ZFHX3: variants seen among roughly 807,000 people sequenced by gnomAD.
ZFHX3 encodes zinc finger homeobox protein 3.
In ZFHX3, 42 loss-of-function variants were observed where a neutral mutation model predicts 279.1. That is an observed-to-expected ratio of 0.15 (90% CI 0.12 to 0.19). ZFHX3 has a LOEUF of 0.19. Among genes scored for constraint, ZFHX3 ranks in the 10% least tolerant of loss-of-function variants. The pLI, the probability that ZFHX3 is intolerant of heterozygous loss-of-function variation, is 1.00. For missense variants in ZFHX3, 4,981 were observed against 4,754.0 expected, an observed-to-expected ratio of 1.05 and a Z score of -1.40; for synonymous variants, 2,293 against 1,957.8, an observed-to-expected ratio of 1.17 and a Z score of -4.52.
At chr16:73,635,941 G>A (rs187966178) in intron 2 of ZFHX3, among the ~76,000 whole-genome samples, 1 of 152,288 alleles carries the variant, frequency 6.6e-6, no homozygotes, top group Admixed American at 6.5e-5. Context: ...AGGCCTTAGT[G>A]TGTATGGCAC....
chr16:73,514,663 G>A (rs2019489685), intron 2 of ZFHX3, among the ~76,000 whole-genome samples: 1 of 152,178 alleles, frequency 6.6e-6, no homozygotes, highest in Non-Finnish European at 1.5e-5. Flanking sequence ...GTGACGAGCT[G>A]AAGCTCAAAG....
intron 3 of ZFHX3, among the ~76,000 whole-genome samples, chr16:73,344,007 T>C (rs1191681939): frequency 6.6e-6 from 1 of 152,304 alleles, no homozygotes; most frequent in Non-Finnish European, 1.5e-5. Context: ...AAATAAGAAG[T>C]GCCCATGGAT....
chr16:72,943,054 A>T (rs1960488649), intron 3 of ZFHX3, among the ~76,000 whole-genome samples: 1 of 152,202 alleles, frequency 6.6e-6, no homozygotes, highest in Non-Finnish European at 1.5e-5. Flanking sequence ...AAATCTGTGG[A>T]TCATTCACAA....
At chr16:73,434,597 A>T (rs1293829321) in intron 3 of ZFHX3, among the ~76,000 whole-genome samples, 1 of 112,020 alleles carries the variant, frequency 8.9e-6, no homozygotes, top group Non-Finnish European at 1.8e-5. Context: ...GTGTTGACTC[A>T]TCTATGGATG....
chr16:73,186,778 G>A (rs1440720091), intron 5 of ZFHX3, among the ~76,000 whole-genome samples: 1 of 152,064 alleles, frequency 6.6e-6, no homozygotes, highest in Admixed American at 6.5e-5. Flanking sequence ...TTATATTATT[G>A]TCAAGCCTTT....
chr16:73,230,271 A>G (rs1057306330), intron 5 of ZFHX3, among the ~76,000 whole-genome samples: 1 of 152,236 alleles, frequency 6.6e-6, no homozygotes, highest in African/African-American at 2.4e-5. Flanking sequence ...GTATGACAAT[A>G]TTATGATTGT....
At chr16:73,090,908 A>G (rs1169710416) in intron 8 of ZFHX3, among the ~76,000 whole-genome samples, 2 of 67,432 alleles carry the variant, frequency 3.0e-5, no homozygotes, top group Admixed American at 4.7e-4. Context: ...AAGATCCCAT[A>G]TTGAAAAAAA....
chr16:73,223,635 A>T (rs952887265), intron 5 of ZFHX3, among the ~76,000 whole-genome samples: 9 of 152,210 alleles, frequency 5.9e-5, no homozygotes, highest in Non-Finnish European at 1.2e-4. Flanking sequence ...TCTTTGGAAG[A>T]CAGTTTAACC....
intron 2 of ZFHX3, among the ~76,000 whole-genome samples, chr16:73,635,497 T>C (rs1342823874): frequency 6.6e-6 from 1 of 152,200 alleles, no homozygotes; most frequent in Non-Finnish European, 1.5e-5. Flanking sequence ...GGAGCTGATG[T>C]CCTAGGCTTG....
chr16:72,920,657 T>A (rs1255688291), intron 3 of ZFHX3, among the ~76,000 whole-genome samples: 2 of 148,098 alleles, frequency 1.4e-5, no homozygotes, highest in African/African-American at 2.5e-5. Context: ...GTGACAAAAG[T>A]GAAAGTTCGT....
At chr16:72,810,454 G>T (rs914729642) in intron 7 of ZFHX3, among the ~76,000 whole-genome samples, 2 of 152,208 alleles carry the variant, frequency 1.3e-5, no homozygotes, top group Non-Finnish European at 2.9e-5. Flanking sequence ...CCAAAGTGTT[G>T]GGATTACAAG....
intron 4 of ZFHX3, among the ~76,000 whole-genome samples, chr16:73,308,262 TATATA>T (rs1567446251): frequency 1.3e-4 from 4 of 31,808 alleles, no homozygotes; most frequent in African/African-American, 2.8e-4. Flanking sequence ...TATATATATA[TATATA>T]TATATATATA....
chr16:72,819,707 T>C (rs2036728345), intron 5 of ZFHX3, among the ~76,000 whole-genome samples: 2 of 152,208 alleles, frequency 1.3e-5, no homozygotes, highest in South Asian at 2.1e-4. Context: ...GATGACATGA[T>C]ACTCTCATCT....
intron 5 of ZFHX3, among the ~76,000 whole-genome samples, chr16:72,819,449 G>C (rs1392532472): frequency 6.6e-6 from 1 of 152,150 alleles, no homozygotes; most frequent in African/African-American, 2.4e-5. Context: ...CCCGGGCAGG[G>C]CTCATTAAAA....
intron 2 of ZFHX3, among the ~76,000 whole-genome samples, chr16:73,624,310 T>A (rs892191904): frequency 7.2e-5 from 11 of 152,194 alleles, no homozygotes; most frequent in African/African-American, 2.7e-4. Flanking sequence ...TATGTTTATG[T>A]TACAAATAGG....
chr16:73,577,597 A>G (rs2051814063), intron 2 of ZFHX3, among the ~76,000 whole-genome samples: 1 of 152,130 alleles, frequency 6.6e-6, no homozygotes, highest in South Asian at 2.1e-4. Context: ...ACCTCCCAAA[A>G]AATTCTAAAA....
intron 3 of ZFHX3, among the ~76,000 whole-genome samples, chr16:72,942,280 C>T (rs16971426): frequency 0.13 from 19,685 of 152,196 alleles, 1,827 homozygotes; most frequent in African/African-American, 0.25. Context: ...CTAAAACAAC[C>T]GTAACACAAC....
intron 2 of ZFHX3, among the ~76,000 whole-genome samples, chr16:73,619,500 T>TATATATATATATATATATATATATATATA (rs34326004): frequency 3.9e-4 from 52 of 131,666 alleles, no homozygotes; most frequent in African/African-American, 1.4e-3. Context: ...AAAAAAAAAA[T>TATATATATATATATATATATATATATATA]TATATATATA....
chr16:73,248,276 T>A (rs1276327823), intron 5 of ZFHX3, among the ~76,000 whole-genome samples: 2 of 151,940 alleles, frequency 1.3e-5, no homozygotes, highest in Admixed American at 1.3e-4. Context: ...AATGTTTGCA[T>A]ATGTGTGTGT....
Sources: gnomAD v4.1 joint callset for allele counts (sites outside exome capture counted in the v4.1 genomes callset) on GRCh38, gnomAD v4.1.1 for gene constraint, MANE v1.5 for transcripts, NCBI Gene and HGNC (gene_info 2026-07-23, HGNC 2026-07-21) for gene names.